The following CPAMD8 variants were observed in gnomAD, a reference collection of about 807,000 sequenced individuals.
CPAMD8 encodes C3 and PZP like alpha-2-macroglobulin domain containing 8.
A neutral mutation model predicts 224.7 loss-of-function variants in CPAMD8; 146 were observed. The ratio of observed to expected loss-of-function variants is 0.65; its 90% confidence interval spans 0.57 to 0.75. The LOEUF is 0.75. CPAMD8 is among the 30% of genes least tolerant of loss of function. The pLI, the probability that CPAMD8 is intolerant of heterozygous loss-of-function variation, is 0.00. For missense variants in CPAMD8, 2,301 were observed against 2,537.5 expected (o/e 0.91, Z 2.00); for synonymous variants, 966 against 1,044.6 (o/e 0.92, Z 1.45).
At chr19:16,985,231 T>C (rs536702665) in intron 13 of CPAMD8, among the ~76,000 whole-genome samples, 1 of 151,876 alleles carries the variant, frequency 6.6e-6, no homozygotes, top group African/African-American at 2.4e-5. Context: ...GATGGATGGA[T>C]GGATGAAGGG....
In CPAMD8 at chr19:16,900,933, G is replaced by T. The variant is rs1190442328; in HGVS notation, c.4773+277C>A. Among the ~76,000 whole-genome samples, 4 of 151,862 alleles carry T rather than the reference G, an allele frequency of 2.6e-5. No homozygotes were observed. In the East Asian group the frequency reaches 7.8e-4, roughly 29 times the overall value. ...AGGCTGAGGTGGGAGGATTACTTGA[G>T]CCTGGAAGTTCAAGGCTCCACTGGG... is the stretch of plus-strand genomic sequence containing the variant. On this transcript the variant is annotated intron_variant, in intron 36 of 41. Transcript: ENST00000443236.
intron 3 of CPAMD8, among the ~76,000 whole-genome samples, chr19:17,019,737 A>ATT (rs10717101): frequency 4.1e-5 from 6 of 146,958 alleles, no homozygotes; most frequent in African/African-American, 1.3e-4. Context: ...TAATTTTTGT[A>ATT]TTTTTTTTTT....
At chr19:16,946,213 GTGTC>G (rs1412486756) in intron 21 of CPAMD8, among the ~76,000 whole-genome samples, 1 of 151,736 alleles carries the variant, frequency 6.6e-6, no homozygotes, top group Non-Finnish European at 1.5e-5. Flanking sequence ...GTGCAGGCAT[GTGTC>G]TGTGTGTGTG....
intron 27 of CPAMD8, among the ~76,000 whole-genome samples, chr19:16,920,842 T>G (rs1160308541): frequency 2.1e-5 from 3 of 143,862 alleles, no homozygotes; most frequent in Non-Finnish European, 4.5e-5. Flanking sequence ...GGGAACAGAG[T>G]TAGACTCTAT....
At chr19:16,939,162 T>G (rs1189257256) in intron 22 of CPAMD8, among the ~76,000 whole-genome samples, 16 of 124,682 alleles carry the variant, frequency 1.3e-4, no homozygotes, top group African/African-American at 4.8e-4. Flanking sequence ...TATTTATTTA[T>G]TTATTTATTT....
chr19:16,967,912 TATATACAC>T (rs2054907811), intron 18 of CPAMD8, among the ~76,000 whole-genome samples: 1 of 151,462 alleles, frequency 6.6e-6, no homozygotes, highest in Admixed American at 6.6e-5. Flanking sequence ...TATATGTGCA[TATATACAC>T]ACACATGTGT....
intron 13 of CPAMD8, among the ~76,000 whole-genome samples, chr19:16,984,982 T>A (rs1036257161): frequency 3.3e-5 from 5 of 152,192 alleles, no homozygotes; most frequent in Non-Finnish European, 7.3e-5. Flanking sequence ...AATTACATTT[T>A]TAGGGTACCC....
At chr19:17,009,244 G>C (rs1370631639) in intron 6 of CPAMD8, 59 bp downstream of exon 6, 2 of 1,613,642 alleles carry the variant, frequency 1.2e-6, no homozygotes, top group Non-Finnish European at 1.7e-6. Flanking sequence ...ACCAGATCTT[G>C]CAGAAGGTGG....
intron 29 of CPAMD8, among the ~76,000 whole-genome samples, chr19:16,911,660 C>T (rs1223871107): frequency 6.6e-6 from 1 of 152,202 alleles, no homozygotes; most frequent in Non-Finnish European, 1.5e-5. Flanking sequence ...ATTCTCCTGC[C>T]TCAGCCTCCC....
At chr19:16,927,268 A>C (rs1421836945) in intron 25 of CPAMD8, among the ~76,000 whole-genome samples, 3 of 152,104 alleles carry the variant, frequency 2.0e-5, no homozygotes, top group Middle Eastern at 3.4e-3. Flanking sequence ...GTAGTGAATA[A>C]GTCTTACGAG....
At chr19:16,976,195 G>C in intron 15 of CPAMD8, 44 bp from the exon 16 acceptor site, 3 of 1,556,228 alleles carry the variant, frequency 1.9e-6, no homozygotes, top group Non-Finnish European at 2.6e-6. Context: ...GGTTCAGTTG[G>C]CTGTGAGTGG....
At chr19:16,931,007 A>C (rs2053529244) in intron 23 of CPAMD8, among the ~76,000 whole-genome samples, 2 of 152,132 alleles carry the variant, frequency 1.3e-5, no homozygotes, top group African/African-American at 4.8e-5. Flanking sequence ...ACGTGCCCCG[A>C]GGGCTAACTC....
intron 8 of CPAMD8, among the ~76,000 whole-genome samples, chr19:17,002,757 T>G (rs1037441690): frequency 1.3e-5 from 2 of 152,102 alleles, no homozygotes; most frequent in Admixed American, 1.3e-4. Context: ...CATTTGCTTC[T>G]GGACTCAGCC....
intron 41 of CPAMD8, chr19:16,895,001 TACTCAGGA>T: frequency 6.3e-6 from 1 of 158,924 alleles, no homozygotes; most frequent in South Asian, 1.9e-4. Flanking sequence ...TGGTCCCAGC[TACTCAGGA>T]GGCTGAGGCA....
intron 25 of CPAMD8, among the ~76,000 whole-genome samples, chr19:16,926,490 G>C (rs981799956): frequency 6.6e-6 from 1 of 151,952 alleles, no homozygotes; most frequent in Non-Finnish European, 1.5e-5. Context: ...GCTAATTTTT[G>C]TATTTTTAGA....
intron 19 of CPAMD8, among the ~76,000 whole-genome samples, chr19:16,953,396 A>G (rs1249154068): frequency 1.3e-5 from 2 of 151,714 alleles, no homozygotes; most frequent in Non-Finnish European, 2.9e-5. Flanking sequence ...CAAAATTTTG[A>G]GCATCAAAAG....
At chr19:16,907,307 CTTTT>C (rs71334641) in intron 29 of CPAMD8, among the ~76,000 whole-genome samples, 190 bp from the exon 30 acceptor site, 8 of 81,080 alleles carry the variant, frequency 9.9e-5, no homozygotes, top group Admixed American at 7.1e-4. Flanking sequence ...TCTTTCTTGC[CTTTT>C]TTTTTTTTTT....
At chr19:16,903,211 G>A (rs1482147585) in intron 34 of CPAMD8, among the ~76,000 whole-genome samples, 1 of 151,964 alleles carries the variant, frequency 6.6e-6, no homozygotes, top group African/African-American at 2.4e-5. Context: ...CCCTCTGACT[G>A]CCAGTCAGAA....
In CPAMD8 at chr19:16,993,713, T is replaced by C. The variant is rs2056035795; in HGVS notation, c.1096-127A>G. ...TTTGTAGAAATTGACAAACTGCTCC[T>C]GAAATTCACAGGGCATCGCAACGAG... On this transcript the variant is annotated intron_variant, in intron 11 of 41. Transcript: ENST00000443236. The C allele has an allele frequency of 8.1e-6, 7 of 859,108 alleles. 1 individual carries two copies. In the South Asian group the frequency reaches 1.3e-4, roughly 15 times the overall value. The allele number at this position is 859,108 out of a possible 1,614,324, so 53.2% of individuals were successfully genotyped here.
Sources: allele counts gnomAD v4.1 joint callset (sites outside exome capture counted in the v4.1 genomes callset), GRCh38; gene constraint gnomAD v4.1.1; transcripts MANE v1.5; gene names NCBI Gene and HGNC (gene_info 2026-07-23, HGNC 2026-07-21).